The following DPP10 variants were observed in gnomAD, a reference collection of about 807,000 sequenced individuals.
DPP10 encodes the protein inactive dipeptidyl peptidase 10.
Under a neutral mutation model 120.9 loss-of-function variants are expected in DPP10, and 33 were observed. That is an observed-to-expected ratio of 0.27 (90% CI 0.21 to 0.37). The LOEUF is 0.37. Among genes scored for constraint, DPP10 ranks in the 10% least tolerant of loss-of-function variants. DPP10 has a pLI of 1.00. For synonymous variants in DPP10, 337 were observed against 326.1 expected (o/e 1.03, Z -0.36); for missense variants, 816 against 942.8 (o/e 0.87, Z 1.76).
intron 1 of DPP10, among the ~76,000 whole-genome samples, chr2:114,892,751 A>C (rs1692643787): frequency 6.6e-6 from 1 of 152,080 alleles, no homozygotes; most frequent in African/African-American, 2.4e-5. Context: ...TTGTCATTTG[A>C]TGAGGCTTTT....
intron 1 of DPP10, among the ~76,000 whole-genome samples, chr2:114,444,444 G>A (rs1361201125): frequency 1.3e-5 from 2 of 152,186 alleles, no homozygotes; most frequent in East Asian, 1.9e-4. Context: ...AAGAGTCTGA[G>A]GTCACAGGAA....
At chr2:114,642,284 T>C (rs754819311) in intron 1 of DPP10, among the ~76,000 whole-genome samples, 2 of 151,898 alleles carry the variant, frequency 1.3e-5, no homozygotes, top group African/African-American at 2.4e-5. Context: ...GTAGGTCTTA[T>C]CCACATTTAC....
intron 1 of DPP10, among the ~76,000 whole-genome samples, chr2:114,451,648 G>C (rs927662334): frequency 2.0e-5 from 3 of 152,114 alleles, no homozygotes; most frequent in African/African-American, 7.2e-5. Flanking sequence ...AAATGATTAG[G>C]AGGGGTGAGA....
At chr2:115,235,838 G>A (rs2057973558) in intron 1 of DPP10, among the ~76,000 whole-genome samples, 1 of 152,112 alleles carries the variant, frequency 6.6e-6, no homozygotes, top group East Asian at 1.9e-4. Context: ...TGGGAATACA[G>A]ACATGAGCCA....
intron 1 of DPP10, among the ~76,000 whole-genome samples, chr2:114,485,842 C>G (rs1243199935): frequency 6.6e-6 from 1 of 152,090 alleles, no homozygotes; most frequent in Non-Finnish European, 1.5e-5. Flanking sequence ...TGAACTTCCA[C>G]CAAGGGAAAG....
At chr2:115,417,480 A>T (rs2104643251) in intron 3 of DPP10, among the ~76,000 whole-genome samples, 1 of 152,338 alleles carries the variant, frequency 6.6e-6, no homozygotes, top group South Asian at 2.1e-4. Context: ...TATAATAACA[A>T]CATAGTTATC....
intron 4 of DPP10, among the ~76,000 whole-genome samples, chr2:115,521,792 C>T (rs1308300332): frequency 2.0e-5 from 3 of 152,038 alleles, no homozygotes; most frequent in Non-Finnish European, 4.4e-5. Context: ...GGTAATAGTT[C>T]TAAATTCAAA....
At chr2:115,405,751 G>A (rs1486685828) in intron 3 of DPP10, among the ~76,000 whole-genome samples, 4 of 152,242 alleles carry the variant, frequency 2.6e-5, no homozygotes, top group Non-Finnish European at 1.5e-5. Context: ...GCTGCGGCAT[G>A]AGCTGTACCT....
intron 3 of DPP10, among the ~76,000 whole-genome samples, chr2:115,486,125 A>T (rs896538951): frequency 6.6e-6 from 1 of 152,150 alleles, no homozygotes; most frequent in Non-Finnish European, 1.5e-5. Flanking sequence ...ATTATTTTAA[A>T]ATCGGAAAAT....
At chr2:115,584,858 C>A (rs1189104480) in intron 5 of DPP10, among the ~76,000 whole-genome samples, 1 of 152,204 alleles carries the variant, frequency 6.6e-6, no homozygotes, top group Non-Finnish European at 1.5e-5. Context: ...ATACTGGTTG[C>A]ATGATCCTTC....
chr2:114,562,204 T>C (rs913495394), intron 1 of DPP10, among the ~76,000 whole-genome samples: 3 of 152,226 alleles, frequency 2.0e-5, no homozygotes. Flanking sequence ...CTGCTCACCT[T>C]CCACTCTATG....
rs940416305 is a variant in DPP10, at chr2:114,622,823, G to T, written c.60+179985G>T. Among the ~76,000 whole-genome samples the T allele has an allele frequency of 2.0e-5, 3 of 152,218 alleles. No homozygotes were observed. The East Asian group carries it at 5.8e-4, about 29-fold the overall frequency. ...ATCAGAGAAAAAGCAAATGTCAAGTGACAGGGACAGAAAGATTTGGGCACT... is the reference window on the plus strand; with the variant it reads ...ATCAGAGAAAAAGCAAATGTCAAGTTACAGGGACAGAAAGATTTGGGCACT... On this transcript the variant is annotated intron_variant, in intron 1 of 25. Transcript: ENST00000410059.
chr2:114,663,050 A>G (rs1697551324), intron 1 of DPP10, among the ~76,000 whole-genome samples: 1 of 152,118 alleles, frequency 6.6e-6, no homozygotes, highest in African/African-American at 2.4e-5. Flanking sequence ...TCAAATAAAG[A>G]CACATATATG....
chr2:115,799,676 C>A (rs1003050081), intron 19 of DPP10, among the ~76,000 whole-genome samples: 1 of 147,452 alleles, frequency 6.8e-6, no homozygotes, highest in African/African-American at 2.5e-5. Context: ...TGAGTGAGAA[C>A]ATGCGGTGTT....
At chr2:115,473,450 G>A (rs2074864149) in intron 3 of DPP10, among the ~76,000 whole-genome samples, 1 of 152,186 alleles carries the variant, frequency 6.6e-6, no homozygotes, top group African/African-American at 2.4e-5. Flanking sequence ...CCTTGACTCA[G>A]AACCAGATGC....
intron 1 of DPP10, among the ~76,000 whole-genome samples, chr2:115,225,280 T>C (rs2057375377): frequency 6.6e-6 from 1 of 151,960 alleles, no homozygotes; most frequent in Non-Finnish European, 1.5e-5. Flanking sequence ...AGAAGACAGG[T>C]TGCAGAGACG....
chr2:114,875,982 G>A (rs1027805897), intron 1 of DPP10, among the ~76,000 whole-genome samples: 1 of 152,078 alleles, frequency 6.6e-6, no homozygotes, highest in Admixed American at 6.6e-5. Flanking sequence ...GATTTTTATA[G>A]AGTGGAATGC....
In DPP10 at chr2:114,803,454, A is replaced by T. The variant is rs555717212; in HGVS notation, c.60+360616A>T. ...ACCAGATTGGAGAGCTCAGAAGAAG[A>T]GAGAAAAATGTGGGAAATTTTGGAA... is the stretch of plus-strand genomic sequence containing the variant. On this transcript the variant is annotated intron_variant, in intron 1 of 25. Coordinates refer to ENST00000410059, the MANE Select transcript of DPP10 (RefSeq NM_020868.6). 3.3e-5 allele frequency among the ~76,000 whole-genome samples: 5 copies of T among 152,344 alleles called. 1 individual carries two copies. In the South Asian group the frequency reaches 1.0e-3, roughly 32 times the overall value.
chr2:115,252,345 A>G (rs1027119495), intron 1 of DPP10, among the ~76,000 whole-genome samples: 8 of 152,176 alleles, frequency 5.3e-5, no homozygotes, highest in Non-Finnish European at 1.2e-4. Flanking sequence ...TTTTCTAAAT[A>G]ATTCCAGTGA....
Sources: allele counts gnomAD v4.1 joint callset (sites outside exome capture counted in the v4.1 genomes callset), GRCh38; gene constraint gnomAD v4.1.1; transcripts MANE v1.5; gene names NCBI Gene and HGNC (gene_info 2026-07-23, HGNC 2026-07-21).